AKAP6: variants seen among roughly 807,000 people sequenced by gnomAD.
AKAP6 encodes A-kinase anchoring protein 6.
In AKAP6, 58 loss-of-function variants were observed where a neutral mutation model predicts 188.5. That is an observed-to-expected ratio of 0.31 (90% CI 0.25 to 0.38). The LOEUF (loss-of-function observed/expected upper bound fraction) is 0.38. Ranked by LOEUF, AKAP6 falls within the 10% of genes least tolerant of loss-of-function variation. The pLI, the probability that AKAP6 is intolerant of heterozygous loss-of-function variation, is 1.00. For missense variants in AKAP6, 2,710 were observed against 2,740.0 expected, an observed-to-expected ratio of 0.99 and a Z score of 0.24; for synonymous variants, 989 against 998.6, an observed-to-expected ratio of 0.99 and a Z score of 0.18.
chr14:32,379,149 G>T (rs1324425873), intron 1 of AKAP6, among the ~76,000 whole-genome samples: 5 of 152,088 alleles, frequency 3.3e-5, no homozygotes, highest in Admixed American at 1.3e-4. Context: ...TCAAACTCCT[G>T]ACCTCAGGTG....
At chr14:32,623,758 G>T (rs903453220) in intron 7 of AKAP6, among the ~76,000 whole-genome samples, 2 of 152,034 alleles carry the variant, frequency 1.3e-5, no homozygotes, top group African/African-American at 2.4e-5. Flanking sequence ...ATATGGCCAG[G>T]TCTTTAAACT....
Position 32,365,572 on chromosome 14 carries a change from C to T in AKAP6, c.-35+36164C>T, listed in dbSNP as rs542750476. Among the ~76,000 whole-genome samples the T allele has an allele frequency of 1.6e-4, 25 of 152,286 alleles. No individual in the cohort carries two copies. In the South Asian group the frequency reaches 2.7e-3, roughly 16 times the overall value. On this transcript the variant is annotated intron_variant, in intron 1 of 13. Transcript: ENST00000280979. ...AGCTTCTCCCTGCAGCCCTGGCCCC[C>T]CAGGGACCCCATTCTCTCCTGTACC...
intron 13 of AKAP6, 26 bp downstream of exon 13, chr14:32,824,841 T>C: frequency 1.3e-6 from 2 of 1,512,638 alleles, no homozygotes; most frequent in Non-Finnish European, 1.8e-6. Context: ...ATGCCGTATA[T>C]GTATTTAAAA....
intron 7 of AKAP6, among the ~76,000 whole-genome samples, chr14:32,673,326 C>T (rs1410084089): frequency 6.6e-6 from 1 of 152,244 alleles, no homozygotes; most frequent in African/African-American, 2.4e-5. Context: ...GCTCTCTCTT[C>T]TACCACACTG....
At chr14:32,758,158 A>T (rs114666361) in intron 11 of AKAP6, among the ~76,000 whole-genome samples, 1,642 of 152,300 alleles carry the variant, frequency 0.011, 31 homozygotes, top group African/African-American at 0.037. Flanking sequence ...AGAAGATGGT[A>T]GAATATCCTC....
At chr14:32,472,148 T>G (rs1878816898) in intron 2 of AKAP6, among the ~76,000 whole-genome samples, 1 of 152,074 alleles carries the variant, frequency 6.6e-6, no homozygotes, top group Non-Finnish European at 1.5e-5. Flanking sequence ...AGAGAGGAGT[T>G]GAACTGCAGC....
At chr14:32,582,379 G>C (rs1263923215) in intron 5 of AKAP6, among the ~76,000 whole-genome samples, 1 of 151,734 alleles carries the variant, frequency 6.6e-6, no homozygotes, top group East Asian at 1.9e-4. Context: ...TAGTCTGATG[G>C]GCTTCCCTTT....
chr14:32,506,236 G>C (rs912994404), intron 2 of AKAP6, among the ~76,000 whole-genome samples: 1 of 152,120 alleles, frequency 6.6e-6, no homozygotes, highest in Non-Finnish European at 1.5e-5. Context: ...ATTTATTATT[G>C]ATATAGCTAA....
At chr14:32,348,119 G>A (rs528000178) in intron 1 of AKAP6, among the ~76,000 whole-genome samples, 168 of 152,272 alleles carry the variant, frequency 1.1e-3, no homozygotes, top group Admixed American at 3.7e-3. Context: ...GACACAGCTG[G>A]GTGGGACCAT....
At chr14:32,786,408 T>C (rs372847711) in intron 12 of AKAP6, among the ~76,000 whole-genome samples, 59 of 146,900 alleles carry the variant, frequency 4.0e-4, no homozygotes, top group African/African-American at 9.3e-4. Context: ...CCCAGGTGCA[T>C]GCCATTCTCC....
chr14:32,677,150 T>C lies in AKAP6; in HGVS notation c.2731-1161T>C, dbSNP rs554900478. On this transcript the variant is annotated intron_variant, in intron 7 of 13. Transcript: ENST00000280979. ...CTGCAAGACCTCATTTTTCATAGGC[T>C]ACCCATTTCCTTTATAGAGTCCTAA... Among the ~76,000 whole-genome samples the C allele has an allele frequency of 7.2e-5, 11 of 152,328 alleles. No individual in the cohort carries two copies. In the East Asian group the frequency reaches 1.7e-3, roughly 24 times the overall value.
At chr14:32,351,006 A>C (rs1327567794) in intron 1 of AKAP6, among the ~76,000 whole-genome samples, 3 of 137,244 alleles carry the variant, frequency 2.2e-5, no homozygotes. Flanking sequence ...ATTCTGTCCT[A>C]TGGCTTATTT....
At chr14:32,793,387 A>G (rs1256757314) in intron 12 of AKAP6, among the ~76,000 whole-genome samples, 1 of 152,194 alleles carries the variant, frequency 6.6e-6, no homozygotes, top group Non-Finnish European at 1.5e-5. Context: ...AGTTTCTGAC[A>G]AACCAGAGTT....
At chr14:32,386,347 C>G (rs1888537266) in intron 1 of AKAP6, among the ~76,000 whole-genome samples, 1 of 152,092 alleles carries the variant, frequency 6.6e-6, no homozygotes, top group Admixed American at 6.6e-5. Context: ...TTGCATTTCC[C>G]TGATCATTAG....
At chr14:32,533,122 T>C (rs1027709214) in intron 2 of AKAP6, among the ~76,000 whole-genome samples, 1 of 152,178 alleles carries the variant, frequency 6.6e-6, no homozygotes, top group African/African-American at 2.4e-5. Flanking sequence ...AATCTGAGGC[T>C]ACCATGTTGG....
intron 2 of AKAP6, among the ~76,000 whole-genome samples, chr14:32,526,494 A>T (rs1160003580): frequency 6.6e-6 from 1 of 152,148 alleles, no homozygotes; most frequent in Non-Finnish European, 1.5e-5. Context: ...TAGCCCCCAC[A>T]AAGTGCTGGC....
At chr14:32,605,143 A>T (rs1422129407) in intron 7 of AKAP6, among the ~76,000 whole-genome samples, 1 of 151,844 alleles carries the variant, frequency 6.6e-6, no homozygotes, top group Non-Finnish European at 1.5e-5. Context: ...AGAGACAAAT[A>T]ATTTTAATAA....
chr14:32,726,051 G>T, intron 9 of AKAP6: 1 of 292,576 alleles, frequency 3.4e-6, no homozygotes, highest in Non-Finnish European at 5.1e-6. Flanking sequence ...TGAAGTCATG[G>T]TGTAATTATT....
At chr14:32,825,388 A>G (rs2034649403) in intron 13 of AKAP6, among the ~76,000 whole-genome samples, 1 of 152,210 alleles carries the variant, frequency 6.6e-6, no homozygotes, top group South Asian at 2.1e-4. Context: ...ACAGGAGGGG[A>G]AAGTTGATGT....
Sources: allele counts gnomAD v4.1 joint callset (sites outside exome capture counted in the v4.1 genomes callset), GRCh38; gene constraint gnomAD v4.1.1; transcripts MANE v1.5; gene names NCBI Gene and HGNC (gene_info 2026-07-23, HGNC 2026-07-21).